Variants in RMST observed in about 807,000 individuals in gnomAD.
RMST encodes the protein rhabdomyosarcoma 2 associated transcript.
chr12:97,544,754 TCTCC>T (rs1882810704), intron 11 of RMST, among the ~76,000 whole-genome samples: 1 of 152,090 alleles, frequency 6.6e-6, no homozygotes, highest in African/African-American at 2.4e-5. Flanking sequence ...TATCTCTTTT[TCTCC>T]TGAATTAATC....
intron 5 of RMST, among the ~76,000 whole-genome samples, chr12:97,489,032 G>T (rs1876453722): frequency 6.6e-6 from 1 of 152,146 alleles, no homozygotes; most frequent in East Asian, 1.9e-4. Flanking sequence ...TGTTAAAATT[G>T]CATCACTGCC....
chr12:97,499,906 G>A (rs925874305), intron 10 of RMST, among the ~76,000 whole-genome samples: 1 of 152,074 alleles, frequency 6.6e-6, no homozygotes, highest in Non-Finnish European at 1.5e-5. Context: ...CGATCTGCCT[G>A]CCTTGGCCTC....
chr12:97,515,438 A>G (rs1031474262), intron 10 of RMST, among the ~76,000 whole-genome samples: 1 of 152,170 alleles, frequency 6.6e-6, no homozygotes, highest in Non-Finnish European at 1.5e-5. Context: ...AAGACAATGC[A>G]TGGCTAAAGT....
At chr12:97,543,667 T>A (rs1284106953) in intron 11 of RMST, among the ~76,000 whole-genome samples, 2 of 152,022 alleles carry the variant, frequency 1.3e-5, no homozygotes, top group Non-Finnish European at 2.9e-5. Context: ...TGCCAGACAC[T>A]GTTCTCAGTA....
chr12:97,540,872 C>T (rs984139700), intron 11 of RMST, among the ~76,000 whole-genome samples: 1 of 151,152 alleles, frequency 6.6e-6, no homozygotes, highest in Admixed American at 6.6e-5. Flanking sequence ...ACTTAAACTT[C>T]TAAGCAGTAA....
intron 5 of RMST, among the ~76,000 whole-genome samples, chr12:97,486,014 A>G (rs1345036530): frequency 6.6e-6 from 1 of 152,270 alleles, no homozygotes; most frequent in Non-Finnish European, 1.5e-5. Context: ...GGAGATAGGT[A>G]CGCAGAATGC....
intron 10 of RMST, among the ~76,000 whole-genome samples, chr12:97,513,688 T>A (rs1377351429): frequency 1.3e-5 from 2 of 152,220 alleles, no homozygotes; most frequent in African/African-American, 4.8e-5. Context: ...TTTATTTTTA[T>A]TTTAAACACA....
chr12:97,537,198 G>T (rs1882140496), intron 11 of RMST, among the ~76,000 whole-genome samples: 1 of 151,404 alleles, frequency 6.6e-6, no homozygotes, highest in East Asian at 1.9e-4. Flanking sequence ...TGCTAGACAA[G>T]ATGGAAGATC....
chr12:97,515,762 A>C (rs1305363369), intron 10 of RMST, among the ~76,000 whole-genome samples: 1 of 152,104 alleles, frequency 6.6e-6, no homozygotes. Context: ...GGGTGGGGTA[A>C]GAATAAAAAA....
At chr12:97,501,957 A>C (rs934379404) in intron 10 of RMST, among the ~76,000 whole-genome samples, 4 of 152,164 alleles carry the variant, frequency 2.6e-5, no homozygotes, top group African/African-American at 7.2e-5. Flanking sequence ...TGCTGCTTGG[A>C]ATGCCGCACT....
chr12:97,501,674 T>G (rs767804650), intron 10 of RMST, among the ~76,000 whole-genome samples: 22 of 152,124 alleles, frequency 1.4e-4, no homozygotes, highest in Non-Finnish European at 3.2e-4. Context: ...TAGCTCAGCA[T>G]TGGTCCCCTT....
At chr12:97,554,124 T>G (rs997549016) in intron 11 of RMST, among the ~76,000 whole-genome samples, 4 of 151,944 alleles carry the variant, frequency 2.6e-5, no homozygotes, top group African/African-American at 9.7e-5. Context: ...CCAGCTAATT[T>G]TGTATTTTGA....
chr12:97,490,404 C>T (rs577019504), intron 5 of RMST, among the ~76,000 whole-genome samples: 23 of 152,282 alleles, frequency 1.5e-4, no homozygotes, highest in African/African-American at 5.5e-4. Flanking sequence ...ACTATGGGAT[C>T]CAGGGCAAGT....
At chr12:97,499,084 T>C (rs894931574) in intron 10 of RMST, among the ~76,000 whole-genome samples, 1 of 152,214 alleles carries the variant, frequency 6.6e-6, no homozygotes, top group African/African-American at 2.4e-5. Context: ...TGCCTCTGTC[T>C]CTAAGCCTGG....
chr12:97,500,058 G>C (rs1357739248), intron 10 of RMST, among the ~76,000 whole-genome samples: 1 of 152,166 alleles, frequency 6.6e-6, no homozygotes, highest in Non-Finnish European at 1.5e-5. Context: ...TGAAAGGAGA[G>C]ATAGGATGAT....
At chr12:97,493,477 T>C (rs1025319671) in intron 7 of RMST, among the ~76,000 whole-genome samples, 2 of 152,222 alleles carry the variant, frequency 1.3e-5, no homozygotes, top group Non-Finnish European at 2.9e-5. Flanking sequence ...TTTATTTTCT[T>C]AGATTCTTTT....
intron 10 of RMST, among the ~76,000 whole-genome samples, chr12:97,526,648 G>A (rs1483169640): frequency 6.6e-6 from 1 of 152,036 alleles, no homozygotes; most frequent in African/African-American, 2.4e-5. Context: ...TATTTGCTAT[G>A]TGGTAAGTAA....
chr12:97,499,661 T>C (rs1877863352), intron 10 of RMST, among the ~76,000 whole-genome samples: 1 of 149,168 alleles, frequency 6.7e-6, no homozygotes, highest in African/African-American at 2.5e-5. Context: ...TTCTTTCTTT[T>C]TTTTTTTTTT....
intron 11 of RMST, among the ~76,000 whole-genome samples, chr12:97,547,973 A>G (rs1433569003): frequency 6.6e-6 from 1 of 151,842 alleles, no homozygotes; most frequent in Non-Finnish European, 1.5e-5. Flanking sequence ...TATTACCTAC[A>G]CCAATGTCAT....
Sources: gnomAD v4.1 joint callset for allele counts (sites outside exome capture counted in the v4.1 genomes callset) on GRCh38, gnomAD v4.1.1 for gene constraint, MANE v1.5 for transcripts, NCBI Gene and HGNC (gene_info 2026-07-23, HGNC 2026-07-21) for gene names.